Variants in ERBB4 observed in about 807,000 individuals in gnomAD.
ERBB4 encodes the protein erb-b2 receptor tyrosine kinase 4.
Under a neutral mutation model 158.0 loss-of-function variants are expected in ERBB4, and 42 were observed. The observed-to-expected ratio is 0.27, with a 90% CI of 0.21 to 0.34. The LOEUF (loss-of-function observed/expected upper bound fraction) is 0.34. ERBB4 is among the 10% of genes least tolerant of loss of function. ERBB4 has a pLI of 1.00. For synonymous variants in ERBB4, 583 were observed against 558.7 expected (o/e 1.04, Z -0.61); for missense variants, 1,333 against 1,624.1 (o/e 0.82, Z 3.08).
At chr2:211,871,068 T>C (rs2078331623) in intron 3 of ERBB4, among the ~76,000 whole-genome samples, 1 of 152,192 alleles carries the variant, frequency 6.6e-6, no homozygotes, top group South Asian at 2.1e-4. Context: ...AGGTGAGTAA[T>C]ATTTTAGTAT....
chr2:212,050,363 C>A (rs969006859), intron 2 of ERBB4, among the ~76,000 whole-genome samples: 1 of 152,076 alleles, frequency 6.6e-6, no homozygotes, highest in African/African-American at 2.4e-5. Context: ...ATCATTTTAG[C>A]TTTCTTTGTG....
At chr2:211,690,288 G>T (rs903972569) in intron 12 of ERBB4, among the ~76,000 whole-genome samples, 2 of 151,966 alleles carry the variant, frequency 1.3e-5, no homozygotes, top group African/African-American at 2.4e-5. Flanking sequence ...TTTCAGGTTT[G>T]CTATCTTCTC....
chr2:212,365,960 GA>G (rs770045760), intron 1 of ERBB4, among the ~76,000 whole-genome samples: 6 of 151,758 alleles, frequency 4.0e-5, no homozygotes, highest in Non-Finnish European at 1.5e-5. Context: ...GCATATAGTA[GA>G]AAAATATCAA....
rs187063219 is a variant in ERBB4, at chr2:211,784,526, C to T, written c.556+3499G>A. On this transcript the variant is annotated intron_variant, in intron 4 of 27. Coordinates refer to ENST00000342788, the MANE Select transcript of ERBB4 (RefSeq NM_005235.3). The stretch of plus-strand genomic sequence containing the variant: ...CCATATATGACATTTGGGTTGCTTC[C>T]ACCTCTCAGTTATTATGAATAATGC... Among the ~76,000 whole-genome samples, 93 of 151,992 alleles carry T rather than the reference C, an allele frequency of 6.1e-4. 1 individual carries two copies. Among genetic ancestry groups the T allele is most frequent in the African/African-American group, 2.1e-3 (89 of 41,448 alleles).
chr2:211,457,984 C>T (rs2064425995), intron 20 of ERBB4, among the ~76,000 whole-genome samples: 1 of 152,140 alleles, frequency 6.6e-6, no homozygotes, highest in African/African-American at 2.4e-5. Context: ...TGGGGCTTTG[C>T]TACTTTTTGA....
chr2:212,226,749 A>G (rs2083485293), intron 1 of ERBB4, among the ~76,000 whole-genome samples: 1 of 152,114 alleles, frequency 6.6e-6, no homozygotes, highest in Non-Finnish European at 1.5e-5. Flanking sequence ...TATAACTGTC[A>G]TATGCAAAAA....
At chr2:211,444,113 T>A (rs1232843173) in intron 20 of ERBB4, among the ~76,000 whole-genome samples, 1 of 145,850 alleles carries the variant, frequency 6.9e-6, no homozygotes, top group Non-Finnish European at 1.5e-5. Flanking sequence ...TGGGGTTTTT[T>A]TTGTATACTT....
At chr2:212,458,883 A>T (rs1688434829) in intron 1 of ERBB4, among the ~76,000 whole-genome samples, 1 of 152,182 alleles carries the variant, frequency 6.6e-6, no homozygotes, top group Non-Finnish European at 1.5e-5. Context: ...TAAGGAGAAG[A>T]ACATATCTTG....
chr2:212,343,030 A>G (rs1270101913), intron 1 of ERBB4, among the ~76,000 whole-genome samples: 1 of 152,110 alleles, frequency 6.6e-6, no homozygotes, highest in East Asian at 1.9e-4. Flanking sequence ...TCAACAATAA[A>G]CCTCACTAAA....
chr2:212,440,922 T>G (rs1053152310), intron 1 of ERBB4, among the ~76,000 whole-genome samples: 1 of 152,144 alleles, frequency 6.6e-6, no homozygotes, highest in Non-Finnish European at 1.5e-5. Flanking sequence ...GTCTCTGGGC[T>G]TTAGAAGCAG....
chr2:212,005,201 C>T (rs1190080181), intron 2 of ERBB4, among the ~76,000 whole-genome samples: 1 of 151,622 alleles, frequency 6.6e-6, no homozygotes, highest in Non-Finnish European at 1.5e-5. Context: ...TTTTTGAATC[C>T]CATTGAGTGA....
chr2:211,518,978 G>C (rs1559252390), intron 20 of ERBB4, among the ~76,000 whole-genome samples: 3 of 152,082 alleles, frequency 2.0e-5, no homozygotes, highest in East Asian at 1.9e-4. Context: ...CTGTCTTCAG[G>C]GGAAGGTTTT....
rs532657266 is a variant in ERBB4 at position 211,420,462 on chromosome 2, T to C, written c.3114A>G (p.Arg1038=). 6.2e-7 allele frequency: 1 copy of C among 1,611,906 alleles called. No homozygotes were observed. The highest frequency in any genetic ancestry group is 8.5e-7 in the Non-Finnish European group (1 of 1,178,330). Residue 1038 remains arginine (R), a synonymous_variant, in exon 25 of 28, where the codon AGA becomes AGG. Transcript: ENST00000342788. Reference sequence around the variant, plus strand: ...TTACCCTATTCGAGTCAATTCTTGCTCTGGAAGTATAGATGGGAGGTGGGA... The same window carrying C: ...TTACCCTATTCGAGTCAATTCTTGCCCTGGAAGTATAGATGGGAGGTGGGA... ...FNIPPPIYTS[R]ARIDSNRSEI...
chr2:211,927,230 T>C (rs2125090293), intron 3 of ERBB4, among the ~76,000 whole-genome samples: 1 of 152,300 alleles, frequency 6.6e-6, no homozygotes, highest in South Asian at 2.1e-4. Context: ...GACAGCAAGG[T>C]GAAGATAGTG....
intron 3 of ERBB4, among the ~76,000 whole-genome samples, chr2:211,841,564 G>T (rs552876569): frequency 2.0e-5 from 3 of 151,808 alleles, no homozygotes; most frequent in African/African-American, 7.2e-5. Context: ...TATATATTTG[G>T]ATATTTTGAA....
chr2:211,995,939 G>C (rs1312789653), intron 2 of ERBB4, among the ~76,000 whole-genome samples: 1 of 152,178 alleles, frequency 6.6e-6, no homozygotes, highest in African/African-American at 2.4e-5. Flanking sequence ...CTAAAAAAGT[G>C]TTCAACATCC....
rs12694234 is a variant in ERBB4 at position 211,513,713 on chromosome 2, G to A, written c.2487+48190C>T. 3.8e-4 allele frequency among the ~76,000 whole-genome samples: 58 copies of A among 151,942 alleles called. 2 individuals carry two copies. The South Asian group carries it at 0.012, about 32-fold the overall frequency. ...CTAGAGTAATAGGTCTTTGGCAGGC[G>A]CCCCCAACCCCTGTCTACGCTTTGT... On this transcript the variant is annotated intron_variant, in intron 20 of 27. Transcript: ENST00000342788.
At chr2:211,414,183 C>G (rs1277403128) in intron 25 of ERBB4, among the ~76,000 whole-genome samples, 1 of 152,094 alleles carries the variant, frequency 6.6e-6, no homozygotes, top group Non-Finnish European at 1.5e-5. Flanking sequence ...TGATCATTTT[C>G]TGATGAAATG....
At chr2:212,267,711 T>C (rs1167889130) in intron 1 of ERBB4, among the ~76,000 whole-genome samples, 1 of 151,428 alleles carries the variant, frequency 6.6e-6, no homozygotes, top group African/African-American at 2.4e-5. Flanking sequence ...AACTCTTCAT[T>C]TAACGTTAGG....
Sources: gnomAD v4.1 joint callset for allele counts (sites outside exome capture counted in the v4.1 genomes callset) on GRCh38, gnomAD v4.1.1 for gene constraint, MANE v1.5 for transcripts, NCBI Gene and HGNC (gene_info 2026-07-23, HGNC 2026-07-21) for gene names.